Variants in C1QTNF4 observed in about 807,000 individuals in gnomAD.
C1QTNF4 encodes the protein C1q and TNF related 4.
Under a neutral mutation model 14.6 loss-of-function variants are expected in C1QTNF4, and 12 were observed. That is an observed-to-expected ratio of 0.82 (90% confidence interval 0.53 to 1.33). The LOEUF is 1.33. Among genes scored for constraint, C1QTNF4 ranks in the 40% most tolerant of loss-of-function variants. The pLI, the probability that C1QTNF4 is intolerant of heterozygous loss-of-function variation, is 0.00. For missense variants in C1QTNF4, 558 were observed against 500.3 expected, an observed-to-expected ratio of 1.12 and a Z score of -1.10; for synonymous variants, 278 against 246.6, an observed-to-expected ratio of 1.13 and a Z score of -1.19.
intron 1 of C1QTNF4, among the ~76,000 whole-genome samples, chr11:47,591,457 C>T (rs1308729398): frequency 2.1e-5 from 3 of 144,642 alleles, no homozygotes; most frequent in African/African-American, 7.7e-5. Context: ...GGCTTGATCT[C>T]GGCTCACTGC....
Position 47,590,125 on chromosome 11 carries a change from T to G in C1QTNF4, c.686A>C (p.Tyr229Ser). ...GVFRCRLPGA[Y>S]FFSFTLGKLP... is the part of the protein sequence containing the mutation. ...CTTGCCCAGCGTGAAGGAGAAGAAG[T>G]AGGCGCCGGGCAGACGGCAGCGGAA... The change falls in exon 2 of 2, where the codon TAC becomes TCC. Residue 229 changes from tyrosine (Y) to serine (S), a missense_variant. Coordinates refer to ENST00000302514, the MANE Select transcript of C1QTNF4 (RefSeq NM_031909.3). 2 of 1,610,784 alleles carry G rather than the reference T, an allele frequency of 1.2e-6. No individual in the cohort carries two copies. The highest frequency in any genetic ancestry group is 1.7e-6 in the Non-Finnish European group (2 of 1,178,978).
Position 47,590,219 on chromosome 11 carries a change from G to A in C1QTNF4, c.592C>T (p.His198Tyr), listed in dbSNP as rs1410954104. Residue 198 changes from histidine to tyrosine, a missense_variant, in exon 2 of 2, where the codon CAC becomes TAC. Coordinates refer to ENST00000302514, the MANE Select transcript of C1QTNF4 (RefSeq NM_031909.3). ...TCGGTGTCGAAGGCGAGTGGTTGGT[G>A]CCGCGGCCCGGGGCCAGCGTCCGAG... ...VGSDAGPGPRHQPLAFDTEFV... is the reference protein window; with the variant it reads ...VGSDAGPGPRYQPLAFDTEFV... 1.1e-5 allele frequency: 17 copies of A among 1,550,492 alleles called. No individual in the cohort carries two copies. The highest frequency in any genetic ancestry group is 9.3e-5 in the East Asian group (4 of 42,976).
At chr11:47,593,031 A>G (rs545527879) in intron 1 of C1QTNF4, among the ~76,000 whole-genome samples, 1 of 152,346 alleles carries the variant, frequency 6.6e-6, no homozygotes, top group East Asian at 1.9e-4. Flanking sequence ...GGCACCTCAC[A>G]AGTGTCCAGT....
chr11:47,590,785 A>G lies in C1QTNF4; in HGVS notation c.26T>C (p.Leu9Pro), dbSNP rs2097275179. The G allele has an allele frequency of 6.6e-7, 1 of 1,517,050 alleles. No homozygotes were observed. 94.0% of individuals were successfully genotyped at this position (1,517,050 alleles called of 1,614,324 possible). A position where few individuals can be genotyped will look rare whatever the true frequency, so the allele number is the denominator to read the frequency against. ...CAGGGCCCAGCAGGCCGCTGGGCCC[A>G]GCAGGCCCAGCAGAAGCGGCAGCAT... MLPLLLGL[L>P]GPAACWALGP... Residue 9 changes from leucine (L) to proline (P), a missense_variant, in exon 2 of 2, where the codon CTG becomes CCG. By Grantham distance (98) the Leu-to-Pro change is moderately conservative (BLOSUM62 -3). Coordinates refer to ENST00000302514, the MANE Select transcript of C1QTNF4 (RefSeq NM_031909.3).
chr11:47,592,136 A>T (rs1258474816), intron 1 of C1QTNF4, among the ~76,000 whole-genome samples: 1 of 152,192 alleles, frequency 6.6e-6, no homozygotes, highest in Non-Finnish European at 1.5e-5. Context: ...GGTTACTCAG[A>T]AGAAGGAGTG....
Position 47,590,258 on chromosome 11 carries a change from G to C in C1QTNF4, c.553C>G (p.Arg185Gly), listed in dbSNP as rs762443705. The C allele has an allele frequency of 8.7e-5, 123 of 1,410,400 alleles. No individual in the cohort carries two copies. Among genetic ancestry groups the C allele is most frequent in the Non-Finnish European group, 1.1e-4 (121 of 1,090,292 alleles). 87.4% of individuals were successfully genotyped at this position (1,410,400 alleles called of 1,614,324 possible). A position where few individuals can be genotyped will look rare whatever the true frequency, so the allele number is the denominator to read the frequency against. ...CCAGCGTCCGAGCCCACCAAGCTGC[G>C]CGTGCGCGCCGCCGAGAAGGCCGAG... is the stretch of plus-strand genomic sequence containing the variant. ...PRSAFSAART[R>G]SLVGSDAGPG... The change falls in exon 2 of 2, where the codon CGC becomes GGC. Residue 185 changes from arginine to glycine, a missense_variant. Physicochemically the swap from Arg to Gly is moderately radical, Grantham distance 125. Transcript: ENST00000302514.
In C1QTNF4 at chr11:47,590,099, G is replaced by T. The variant is rs767638490; in HGVS notation, c.712C>A (p.Leu238Met). ...TTAACCGACAGCGTCTTACGCGGCA[G>T]CTTGCCCAGCGTGAAGGAGAAGAAG... ...AYFFSFTLGK[L>M]PRKTLSVKLM... Residue 238 changes from leucine (L) to methionine (M), a missense_variant, in exon 2 of 2, where the codon CTG becomes ATG. Transcript: ENST00000302514. 3 of 1,611,942 alleles carry T rather than the reference G, an allele frequency of 1.9e-6. No individual in the cohort carries two copies. Among genetic ancestry groups the T allele is most frequent in the Non-Finnish European group, 2.5e-6 (3 of 1,179,110 alleles).
chr11:47,593,066 T>C (rs2097276380), intron 1 of C1QTNF4, among the ~76,000 whole-genome samples: 1 of 152,210 alleles, frequency 6.6e-6, no homozygotes, highest in Non-Finnish European at 1.5e-5. Flanking sequence ...AAAGTTCTTT[T>C]AGACACATGG....
At position 47,590,408 on chromosome 11, in the gene C1QTNF4, G is replaced by C; in HGVS notation, c.403C>G (p.Arg135Gly). The change falls in exon 2 of 2, where the codon CGG becomes GGG. Residue 135 changes from arginine (R) to glycine (G), a missense_variant. Coordinates refer to ENST00000302514, the MANE Select transcript of C1QTNF4 (RefSeq NM_031909.3). ...GCGTACTGCGGGGCGCCATGCAGCCGCAGCCACACTGTGTCGCCGTAGTCG... is the reference window on the plus strand; with the variant it reads ...GCGTACTGCGGGGCGCCATGCAGCCCCAGCCACACTGTGTCGCCGTAGTCG... ...QLDYGDTVWL[R>G]LHGAPQYALG... 6.7e-7 allele frequency: 1 copy of C among 1,487,238 alleles called. No individual in the cohort carries two copies. Among genetic ancestry groups the C allele is most frequent in the South Asian group, 1.3e-5 (1 of 77,232 alleles). 92.1% of individuals were successfully genotyped at this position (1,487,238 alleles called of 1,614,324 possible).
intron 1 of C1QTNF4, among the ~76,000 whole-genome samples, chr11:47,593,142 C>A (rs1006509655): frequency 3.3e-5 from 5 of 152,138 alleles, no homozygotes; most frequent in Admixed American, 2.0e-4. Context: ...TGAGGCCCAA[C>A]AAGGGAAAGC....
At position 47,590,525 on chromosome 11, in the gene C1QTNF4, G is replaced by T; in HGVS notation, c.286C>A (p.Arg96=). The change falls in exon 2 of 2, where the codon CGA becomes AGA. Residue 96 remains arginine, a synonymous_variant. Coordinates refer to ENST00000302514, the MANE Select transcript of C1QTNF4 (RefSeq NM_031909.3). ...PHKSLSVMLV[R]NRDEVQALAF... ...AGCGCCTGCACCTCGTCGCGGTTTCGCACCAGCATCACCGACAGGCTCTTG... is the reference window on the plus strand; with the variant it reads ...AGCGCCTGCACCTCGTCGCGGTTTCTCACCAGCATCACCGACAGGCTCTTG... 14 of 1,590,600 alleles carry T rather than the reference G, an allele frequency of 8.8e-6. No homozygotes were observed. Among genetic ancestry groups the T allele is most frequent in the South Asian group, 1.1e-5 (1 of 87,932 alleles).
At chr11:47,594,656 TC>T (rs761540113), upstream of C1QTNF4, 2,189 of 152,478 alleles carry the variant, frequency 0.014, 25 homozygotes, top group Non-Finnish European at 0.023. Context: ...CCAGCTTCCT[TC>T]CTAGTGTGGG....
Position 47,590,616 on chromosome 11 carries a change from G to C in C1QTNF4, c.195C>G (p.Thr65=), listed in dbSNP as rs775181056. The C allele has an allele frequency of 3.5e-5, 56 of 1,609,734 alleles. 2 individuals carry two copies. In the South Asian group the frequency reaches 6.0e-4, roughly 17 times the overall value. ...VNIGGDFDVA[T]GQFRCRVPGA... ...CGGGCACGCGGCAGCGAAACTGGCC[G>C]GTGGCCACATCGAAGTCGCCCCCGA... Residue 65 remains threonine (T), a synonymous_variant, in exon 2 of 2, where the codon ACC becomes ACG. Coordinates refer to ENST00000302514, the MANE Select transcript of C1QTNF4 (RefSeq NM_031909.3).
Position 47,590,322 on chromosome 11 carries a change from G to A in C1QTNF4, c.489C>T (p.Asp163=), listed in dbSNP as rs751180497. 4.0e-6 allele frequency: 5 copies of A among 1,265,318 alleles called. No homozygotes were observed. In the South Asian group the frequency reaches 8.4e-5, roughly 21 times the overall value. 78.4% of individuals were successfully genotyped at this position (1,265,318 alleles called of 1,614,324 possible). Residue 163 remains aspartate (D), a synonymous_variant, in exon 2 of 2, where the codon GAC becomes GAT. Transcript: ENST00000302514. ...GYLVYADADA[D]APARGPPAPP... ...GCGCGGGCGGCCCGCGCGCAGGCGC[G>A]TCAGCGTCGGCGTCGGCGTAGACTA...
rs112190302 is a variant in C1QTNF4 at position 47,593,744 on chromosome 11, G to C, written c.-6+404C>G. ...AGAAAAACTGGGACACAGAGCTGGA[G>C]AGACCCAGAGCCCCGGAGCCAAGGC... On this transcript the variant is annotated intron_variant, in intron 1 of 1. Coordinates refer to ENST00000302514, the MANE Select transcript of C1QTNF4 (RefSeq NM_031909.3). Among the ~76,000 whole-genome samples, 291 of 152,134 alleles carry C rather than the reference G, an allele frequency of 1.9e-3. 1 individual carries two copies. Among genetic ancestry groups the C allele is most frequent in the Middle Eastern group, 0.014 (4 of 294 alleles).
At position 47,589,770 on chromosome 11, in the gene C1QTNF4, G is replaced by T. The variant is rs1300084258; in HGVS notation, c.*51C>A. The T allele has an allele frequency of 7.0e-7, 1 of 1,427,816 alleles. No individual in the cohort carries two copies. 88.4% of individuals were successfully genotyped at this position (1,427,816 alleles called of 1,614,324 possible). A position where few individuals can be genotyped will look rare whatever the true frequency, so the allele number is the denominator to read the frequency against. ...CGCGGGACTTTCGAGCCTCCGGCCC[G>T]GCCTGGCATGCACGCCCCTGGCCCT... On this transcript the variant is annotated 3_prime_UTR_variant, in exon 2 of 2. Transcript: ENST00000302514.
chr11:47,590,436 C>T lies in C1QTNF4; in HGVS notation c.375G>A (p.Gln125=). 1 of 1,512,174 alleles carries T rather than the reference C, an allele frequency of 6.6e-7. No homozygotes were observed. Among genetic ancestry groups the T allele is most frequent in the Non-Finnish European group, 8.8e-7 (1 of 1,135,356 alleles). 93.7% of individuals were successfully genotyped at this position (1,512,174 alleles called of 1,614,324 possible). A position where few individuals can be genotyped will look rare whatever the true frequency, so the allele number is the denominator to read the frequency against. The change falls in exon 2 of 2, where the codon CAG becomes CAA. Residue 125 remains glutamine, a synonymous_variant. Transcript: ENST00000302514. The stretch of plus-strand genomic sequence containing the variant: ...GCCACACTGTGTCGCCGTAGTCGAG[C>T]TGCAGCATGGCGCTCTGGCTGGCTG... ...RRAASQSAML[Q]LDYGDTVWLR... is the part of the protein sequence containing the mutation.
In C1QTNF4 at chr11:47,590,519, G is replaced by T. The variant is rs1292598047; in HGVS notation, c.292C>A (p.Arg98Ser). 1 of 1,585,020 alleles carries T rather than the reference G, an allele frequency of 6.3e-7. No homozygotes were observed. Among genetic ancestry groups the T allele is most frequent in the African/African-American group, 1.3e-5 (1 of 74,108 alleles). ...KSLSVMLVRN[R>S]DEVQALAFDE... The stretch of plus-strand genomic sequence containing the variant: ...AAGGCCAGCGCCTGCACCTCGTCGC[G>T]GTTTCGCACCAGCATCACCGACAGG... The change falls in exon 2 of 2, where the codon CGC (arginine) becomes AGC (serine). Residue 98 changes from arginine to serine, a missense_variant. Transcript: ENST00000302514.
chr11:47,591,931 C>A (rs541263412), intron 1 of C1QTNF4, among the ~76,000 whole-genome samples: 1 of 152,214 alleles, frequency 6.6e-6, no homozygotes, highest in Non-Finnish European at 1.5e-5. Context: ...TCTGTGTCAA[C>A]GCTCTGCATG....
Sources: allele counts gnomAD v4.1 joint callset (sites outside exome capture counted in the v4.1 genomes callset), GRCh38; gene constraint gnomAD v4.1.1; transcripts MANE v1.5; gene names NCBI Gene and HGNC (gene_info 2026-07-23, HGNC 2026-07-21).